ATL1: variants seen among roughly 807,000 people sequenced by gnomAD.
ATL1 encodes the protein atlastin-1.
A neutral mutation model predicts 75.5 loss-of-function variants in ATL1; 31 were observed. That is an observed-to-expected ratio of 0.41 (90% confidence interval 0.31 to 0.55). The LOEUF is 0.55. Ranked by LOEUF, ATL1 falls within the 20% of genes least tolerant of loss-of-function variation. The pLI, the probability that ATL1 is intolerant of heterozygous loss-of-function variation, is 0.27. For synonymous variants in ATL1, 226 were observed against 233.3 expected (o/e 0.97, Z 0.28); for missense variants, 405 against 662.6 (o/e 0.61, Z 4.27).
At chr14:50,598,444 T>A (rs2039241794) in intron 6 of ATL1, among the ~76,000 whole-genome samples, 1 of 152,066 alleles carries the variant, frequency 6.6e-6, no homozygotes, top group Non-Finnish European at 1.5e-5. Flanking sequence ...CACTACAACC[T>A]CTGCCTCCCG....
intron 1 of ATL1, among the ~76,000 whole-genome samples, chr14:50,550,315 A>G (rs8020707): frequency 0.98 from 148,653 of 152,312 alleles, 72,591 homozygotes; most frequent in Non-Finnish European, 0.99. Context: ...AAATATAGCA[A>G]TAATAATGTT....
intron 1 of ATL1, among the ~76,000 whole-genome samples, chr14:50,547,306 T>C (rs1488168932): frequency 2.6e-5 from 4 of 152,132 alleles, no homozygotes; most frequent in Non-Finnish European, 4.4e-5. Flanking sequence ...ACTCAGTGAA[T>C]GTCTGAGTGA....
chr14:50,534,108 C>T (rs946569932), intron 1 of ATL1, among the ~76,000 whole-genome samples: 2 of 152,168 alleles, frequency 1.3e-5, no homozygotes, highest in African/African-American at 4.8e-5. Context: ...TGTTTACTGT[C>T]ATAGATTCAT....
chr14:50,628,573 G>C, intron 12 of ATL1, 111 bp downstream of exon 12: 1 of 1,154,132 alleles, frequency 8.7e-7, no homozygotes, highest in South Asian at 1.3e-5. Flanking sequence ...TTGGGCCCCA[G>C]TCATCAAGAA....
chr14:50,623,553 A>T (rs929370053), intron 11 of ATL1, among the ~76,000 whole-genome samples: 1 of 150,974 alleles, frequency 6.6e-6, no homozygotes, highest in South Asian at 2.1e-4. Context: ...AGCATGTGGT[A>T]CCCTCGCCAC....
chr14:50,545,614 A>G (rs1015465020), intron 1 of ATL1, among the ~76,000 whole-genome samples: 5 of 152,210 alleles, frequency 3.3e-5, no homozygotes, highest in African/African-American at 1.2e-4. Flanking sequence ...CTGTGGTAAG[A>G]CTGGCTACTG....
intron 12 of ATL1, 85 bp from the exon 13 acceptor site, chr14:50,629,910 T>G: frequency 9.5e-7 from 1 of 1,054,802 alleles, no homozygotes; most frequent in Non-Finnish European, 1.4e-6. Flanking sequence ...CACAAATTAA[T>G]ATTGTAAGCA....
chr14:50,612,149 G>T (rs982573680), intron 6 of ATL1, among the ~76,000 whole-genome samples: 3 of 152,200 alleles, frequency 2.0e-5, no homozygotes, highest in South Asian at 2.1e-4. Flanking sequence ...TAGACCAAAA[G>T]AATATATCAT....
intron 1 of ATL1, among the ~76,000 whole-genome samples, chr14:50,569,086 C>G (rs980373805): frequency 6.6e-6 from 1 of 151,922 alleles, no homozygotes; most frequent in Admixed American, 6.6e-5. Flanking sequence ...CATGGTGACT[C>G]ATGGCTATAA....
chr14:50,549,937 C>T (rs530010792), intron 1 of ATL1, among the ~76,000 whole-genome samples: 17 of 152,350 alleles, frequency 1.1e-4, no homozygotes, highest in African/African-American at 3.6e-4. Flanking sequence ...AAACTCTCAG[C>T]GTTACCTCTG....
intron 6 of ATL1, among the ~76,000 whole-genome samples, chr14:50,601,941 C>T (rs1340471197): frequency 6.6e-6 from 1 of 152,122 alleles, no homozygotes; most frequent in Non-Finnish European, 1.5e-5. Flanking sequence ...AATGTCTTGT[C>T]ACGTGCGATA....
chr14:50,560,430 C>A, intron 1 of ATL1, 131 bp downstream of exon 1: 2 of 1,220,842 alleles, frequency 1.6e-6, no homozygotes, highest in Non-Finnish European at 2.3e-6. Context: ...GGGCCGTAGC[C>A]GAGCCGCTCC....
chr14:50,608,369 A>G (rs972147531), intron 6 of ATL1, among the ~76,000 whole-genome samples: 2 of 152,110 alleles, frequency 1.3e-5, no homozygotes, highest in African/African-American at 4.8e-5. Context: ...CAATTATTAA[A>G]TATTCAGGAA....
intron 1 of ATL1, among the ~76,000 whole-genome samples, chr14:50,551,755 C>T (rs2038705511): frequency 6.6e-6 from 1 of 152,146 alleles, no homozygotes; most frequent in African/African-American, 2.4e-5. Context: ...ATCATATAAA[C>T]AAAAATTATG....
At chr14:50,596,553 A>G (rs543019730) in intron 6 of ATL1, among the ~76,000 whole-genome samples, 2 of 152,344 alleles carry the variant, frequency 1.3e-5, no homozygotes, top group South Asian at 4.1e-4. Context: ...TGCAAGGTGT[A>G]TGTACAAAAG....
At chr14:50,549,142 C>T (rs529266441) in intron 1 of ATL1, among the ~76,000 whole-genome samples, 1 of 152,208 alleles carries the variant, frequency 6.6e-6, no homozygotes, top group East Asian at 1.9e-4. Flanking sequence ...ACGGAACCAC[C>T]TACCAGGCCA....
At chr14:50,559,294 G>T (rs1435067869), upstream of ATL1, 1 of 152,244 alleles carries the variant, frequency 6.6e-6, no homozygotes. Context: ...ATGGCAGAAG[G>T]AAACTGTAAG....
intron 1 of ATL1, among the ~76,000 whole-genome samples, chr14:50,543,588 G>A (rs2038592701): frequency 6.6e-6 from 1 of 152,182 alleles, no homozygotes. Context: ...CATCACTCAG[G>A]AACAGCTAGT....
upstream of ATL1, among the ~76,000 whole-genome samples, chr14:50,557,822 C>A (rs959086451): frequency 6.6e-6 from 1 of 152,232 alleles, no homozygotes; most frequent in East Asian, 1.9e-4. Context: ...CACCTTTTCT[C>A]GTTAAAAGGA....
Sources: gnomAD v4.1 joint callset for allele counts (sites outside exome capture counted in the v4.1 genomes callset) on GRCh38, gnomAD v4.1.1 for gene constraint, MANE v1.5 for transcripts, NCBI Gene and HGNC (gene_info 2026-07-23, HGNC 2026-07-21) for gene names.